GDA: variants seen among roughly 807,000 people sequenced by gnomAD.
GDA encodes the protein guanine deaminase.
In GDA, 18 loss-of-function variants were observed where a neutral mutation model predicts 59.6. That is an observed-to-expected ratio of 0.30 (90% confidence interval 0.21 to 0.45). The LOEUF (loss-of-function observed/expected upper bound fraction) is 0.45. GDA is among the 20% of genes least tolerant of loss of function. The pLI, the probability that GDA is intolerant of heterozygous loss-of-function variation, is 1.00. For synonymous variants in GDA, 201 were observed against 201.1 expected, an observed-to-expected ratio of 1.00 and a Z score of 0.00; for missense variants, 427 against 552.3, an observed-to-expected ratio of 0.77 and a Z score of 2.27.
chr9:72,259,682 A>G (rs1205377106), downstream of GDA, among the ~76,000 whole-genome samples: 1 of 152,118 alleles, frequency 6.6e-6, no homozygotes, highest in African/African-American at 2.4e-5. Context: ...TGCTGCCCCA[A>G]TTATTATAGC....
chr9:72,120,557 G>C (rs994731608), intron 1 of GDA, among the ~76,000 whole-genome samples: 1 of 152,154 alleles, frequency 6.6e-6, no homozygotes, highest in Non-Finnish European at 1.5e-5. Context: ...ATCAGGAGTC[G>C]TTTAGAAGCA....
rs952012870 is a variant in GDA, at chr9:72,247,668, A to G, written c.1294+235A>G. Among the ~76,000 whole-genome samples, 3 of 152,190 alleles carry G rather than the reference A, an allele frequency of 2.0e-5. No individual in the cohort carries two copies. In the East Asian group the frequency reaches 5.8e-4, roughly 29 times the overall value. On this transcript the variant is annotated intron_variant, in intron 13 of 13. Transcript: ENST00000358399. Reference sequence around the variant, plus strand: ...CTAGTCATAAATTCTAAGCTGAGGAATGGAAGGCCAAAGGTGAAGAGATCT... The same window carrying G: ...CTAGTCATAAATTCTAAGCTGAGGAGTGGAAGGCCAAAGGTGAAGAGATCT...
chr9:72,185,319 G>C (rs1209050187), intron 1 of GDA, among the ~76,000 whole-genome samples: 1 of 152,088 alleles, frequency 6.6e-6, no homozygotes, highest in African/African-American at 2.4e-5. Flanking sequence ...CTGCACCTTA[G>C]GCATTTAAAA....
At chr9:72,222,832 G>A (rs1261099912) in intron 6 of GDA, among the ~76,000 whole-genome samples, 3 of 151,778 alleles carry the variant, frequency 2.0e-5, no homozygotes, top group African/African-American at 4.8e-5. Flanking sequence ...TCAGCCTCCC[G>A]AGTAGCTGGG....
chr9:72,196,162 A>T (rs182713510), intron 2 of GDA, among the ~76,000 whole-genome samples: 243 of 151,698 alleles, frequency 1.6e-3, no homozygotes, highest in African/African-American at 5.7e-3. Context: ...TATATATTTA[A>T]TATATGTTAT....
Position 72,149,663 on chromosome 9 carries a change from G to A in GDA, c.104G>A (p.Gly35Asp). The A allele has an allele frequency of 2.5e-6, 4 of 1,602,232 alleles. No individual in the cohort carries two copies. Among genetic ancestry groups the A allele is most frequent in the Non-Finnish European group, 3.4e-6 (4 of 1,175,352 alleles). Residue 35 changes from glycine to aspartate, a missense_variant, in exon 1 of 14, where the codon GGC becomes GAC. By Grantham distance (94) the Gly-to-Asp change is moderately conservative. Coordinates refer to ENST00000358399, the MANE Select transcript of GDA (RefSeq NM_004293.5). Reference protein sequence around the residue: ...PMEVLRDHLLGVSDSGKIVFL... With the variant: ...PMEVLRDHLLDVSDSGKIVFL... ...GAGGTGCTGCGGGATCACCTCCTCG[G>A]CGTGAGCGACAGCGGCAAAGTAAGC...
rs185732640 is a variant in GDA at position 72,229,864 on chromosome 9, G to A, written c.921-1250G>A. Among the ~76,000 whole-genome samples, 174 of 152,306 alleles carry A rather than the reference G, an allele frequency of 1.1e-3. 1 individual carries two copies. Among genetic ancestry groups the A allele is most frequent in the African/African-American group, 4.1e-3 (169 of 41,554 alleles). ...AGGTTCTGAGTTTTCAGACTTAAAG[G>A]AGTGACACAGGGAATCTTGTCTATG... On this transcript the variant is annotated intron_variant, in intron 9 of 13. Coordinates refer to ENST00000358399, the MANE Select transcript of GDA (RefSeq NM_004293.5).
downstream of GDA, among the ~76,000 whole-genome samples, chr9:72,258,298 G>A (rs548487741): frequency 3.3e-5 from 5 of 152,104 alleles, no homozygotes; most frequent in African/African-American, 9.6e-5. Context: ...GGGCAACAGA[G>A]CAAGACCCTG....
chr9:72,131,119 C>T (rs1826010476), intron 1 of GDA, among the ~76,000 whole-genome samples: 1 of 152,122 alleles, frequency 6.6e-6, no homozygotes, highest in Non-Finnish European at 1.5e-5. Flanking sequence ...GATTAATCAG[C>T]CATTAAATAA....
intron 1 of GDA, among the ~76,000 whole-genome samples, chr9:72,143,935 C>T (rs571681899): frequency 5.3e-4 from 81 of 152,218 alleles, no homozygotes; most frequent in African/African-American, 1.8e-3. Context: ...AAATAATAGA[C>T]TTCTGGCCAG....
intron 1 of GDA, among the ~76,000 whole-genome samples, chr9:72,191,754 T>A (rs1262895135): frequency 6.6e-6 from 1 of 152,064 alleles, no homozygotes; most frequent in Non-Finnish European, 1.5e-5. Context: ...CCCAGCTGAT[T>A]TTTTGTATTT....
chr9:72,173,393 C>T (rs949139821), intron 1 of GDA, among the ~76,000 whole-genome samples: 6 of 149,854 alleles, frequency 4.0e-5, no homozygotes, highest in South Asian at 2.1e-4. Flanking sequence ...TGCAATGGTG[C>T]GATCTCAGCT....
intron 1 of GDA, among the ~76,000 whole-genome samples, chr9:72,161,212 C>A (rs1828595195): frequency 6.6e-6 from 1 of 152,044 alleles, no homozygotes; most frequent in African/African-American, 2.4e-5. Context: ...CGGCCTGTGT[C>A]CTACTTTCTA....
chr9:72,183,546 G>A (rs1460721634), intron 1 of GDA, among the ~76,000 whole-genome samples: 1 of 152,180 alleles, frequency 6.6e-6, no homozygotes, highest in Non-Finnish European at 1.5e-5. Context: ...AATATTACAT[G>A]AAAAAATACA....
intron 1 of GDA, among the ~76,000 whole-genome samples, chr9:72,133,104 C>T (rs1178526592): frequency 6.6e-6 from 1 of 151,638 alleles, no homozygotes; most frequent in Non-Finnish European, 1.5e-5. Flanking sequence ...TCCCGGCCAA[C>T]ATCGTGAAAC....
chr9:72,205,976 A>C (rs866795818), intron 3 of GDA, among the ~76,000 whole-genome samples: 5 of 152,198 alleles, frequency 3.3e-5, no homozygotes, highest in Non-Finnish European at 7.3e-5. Flanking sequence ...TTTCAATTTC[A>C]TCTTTAAGTC....
chr9:72,174,793 CAGAGACAGAG>C (rs1830371148), intron 1 of GDA, among the ~76,000 whole-genome samples: 5 of 151,188 alleles, frequency 3.3e-5, no homozygotes, highest in Admixed American at 6.6e-5. Flanking sequence ...GACAGACAGA[CAGAGACAGAG>C]AGACAGAGAC....
At chr9:72,185,115 A>G (rs72727220) in intron 1 of GDA, among the ~76,000 whole-genome samples, 14,397 of 152,270 alleles carry the variant, frequency 0.095, 738 homozygotes, top group Non-Finnish European at 0.1. Flanking sequence ...TATATTGTCT[A>G]TGGTTGATTT....
In GDA at chr9:72,248,457, C is replaced by A. The variant is rs1485163709; in HGVS notation, c.*115C>A. On this transcript the variant is annotated 3_prime_UTR_variant, in exon 14 of 14. Transcript: ENST00000358399. ...TACCTTGTTCTTGGGATGACTATCC[C>A]TTTCTGTGTCTAGTTACAGTATTCA... is the stretch of plus-strand genomic sequence containing the variant. The A allele has an allele frequency of 1.3e-6, 2 of 1,527,466 alleles. No individual in the cohort carries two copies. The highest frequency in any genetic ancestry group is 2.3e-5 in the East Asian group (1 of 42,848). The allele number at this position is 1,527,466 out of a possible 1,614,324, so 94.6% of individuals were successfully genotyped here.
Sources: gnomAD v4.1 joint callset for allele counts (sites outside exome capture counted in the v4.1 genomes callset) on GRCh38, gnomAD v4.1.1 for gene constraint, MANE v1.5 for transcripts, NCBI Gene and HGNC (gene_info 2026-07-23, HGNC 2026-07-21) for gene names.